Variants in MS4A4E observed in about 807,000 individuals in gnomAD.
The protein encoded by MS4A4E is membrane spanning 4-domains A4E, also known as putative membrane-spanning 4-domains subfamily A member 4E.
Under a neutral mutation model 13.3 loss-of-function variants are expected in MS4A4E, and 23 were observed. That is an observed-to-expected ratio of 1.73 (90% confidence interval 1.25 to 2.45). The LOEUF is 2.45. MS4A4E is among the 30% of genes most tolerant of loss of function. The pLI is 0.00. For synonymous variants in MS4A4E, 36 were observed against 45.6 expected, an observed-to-expected ratio of 0.79 and a Z score of 0.85; for missense variants, 144 against 131.2, an observed-to-expected ratio of 1.10 and a Z score of -0.48.
intron 1 of MS4A4E, among the ~76,000 whole-genome samples, chr11:60,236,250 A>C (rs1234070376): frequency 6.6e-6 from 1 of 152,106 alleles, no homozygotes; most frequent in East Asian, 1.9e-4. Flanking sequence ...GCACCAAACT[A>C]TTTTTCTCTT....
intron 1 of MS4A4E, among the ~76,000 whole-genome samples, chr11:60,232,762 C>T (rs1449901997): frequency 1.3e-5 from 2 of 152,166 alleles, no homozygotes; most frequent in African/African-American, 4.8e-5. Context: ...CATTCTGCTT[C>T]AGGAGTGAGT....
chr11:60,206,301 G>T lies in MS4A4E; in HGVS notation c.484-481C>A, dbSNP rs933826318. 2.0e-5 allele frequency among the ~76,000 whole-genome samples: 3 copies of T among 151,318 alleles called. No individual in the cohort carries two copies. The South Asian group carries it at 6.3e-4, about 32-fold the overall frequency. On this transcript the variant is annotated intron_variant, in intron 6 of 8. Coordinates refer to ENST00000651255, the MANE Select transcript of MS4A4E (RefSeq NM_001393391.1). ...TCCAAATCTTATTTGCCAGTTTAAT[G>T]CCTTTATATAAAGTCCTAATGATGA... is the stretch of plus-strand genomic sequence containing the variant.
At chr11:60,223,674 A>G (rs138055864) in intron 3 of MS4A4E, among the ~76,000 whole-genome samples, 154 of 152,324 alleles carry the variant, frequency 1.0e-3, no homozygotes, top group Middle Eastern at 6.8e-3. Context: ...CAGTGTGGCC[A>G]GAATAAAAGT....
intron 1 of MS4A4E, among the ~76,000 whole-genome samples, chr11:60,232,321 A>ACC (rs1554986901): frequency 0.017 from 2,503 of 147,436 alleles, 44 homozygotes; most frequent in Middle Eastern, 0.035. Context: ...ACACACACAC[A>ACC]CCAAAAATGA....
At chr11:60,204,052 T>C (rs1416355254) in intron 8 of MS4A4E, among the ~76,000 whole-genome samples, 2 of 152,218 alleles carry the variant, frequency 1.3e-5, no homozygotes, top group African/African-American at 2.4e-5. Context: ...AAAAAGTTTA[T>C]GTATGCGCTA....
intron 1 of MS4A4E, among the ~76,000 whole-genome samples, chr11:60,242,746 C>G (rs1050111148): frequency 2.6e-5 from 4 of 152,154 alleles, no homozygotes; most frequent in African/African-American, 9.7e-5. Context: ...TAACTCCCAT[C>G]AACTGTAGCG....
intron 3 of MS4A4E, among the ~76,000 whole-genome samples, chr11:60,223,742 C>T (rs1247791389): frequency 1.3e-5 from 2 of 152,124 alleles, no homozygotes; most frequent in Non-Finnish European, 2.9e-5. Flanking sequence ...ATCTTTCTCT[C>T]GTGCTGCATG....
rs1479195735 is a variant in MS4A4E at position 60,200,978 on chromosome 11, C to G, written c.*565G>C. On this transcript the variant is annotated 3_prime_UTR_variant, in exon 9 of 9. Transcript: ENST00000651255. ...CTGGCCGGGTGGGGGGCTGAACCCC[C>G]CACCTCCCTCCCGGACGGGGCGGCT... 1.4e-5 allele frequency among the ~76,000 whole-genome samples: 2 copies of G among 148,096 alleles called. No individual in the cohort carries two copies. The highest frequency in any genetic ancestry group is 3.0e-5 in the Non-Finnish European group (2 of 66,688).
intron 1 of MS4A4E, among the ~76,000 whole-genome samples, chr11:60,233,812 G>A (rs1415795464): frequency 6.6e-6 from 1 of 152,208 alleles, no homozygotes; most frequent in Non-Finnish European, 1.5e-5. Context: ...TATGCCTAGT[G>A]GAGCCTTGGG....
At chr11:60,205,148 C>T (rs575232966) in intron 7 of MS4A4E, among the ~76,000 whole-genome samples, 190 bp from the exon 8 acceptor site, 28 of 152,230 alleles carry the variant, frequency 1.8e-4, no homozygotes, top group African/African-American at 6.3e-4. Flanking sequence ...ATGAAAATAT[C>T]GCTTCCTCAA....
chr11:60,206,025 G>T (rs2084035311), intron 6 of MS4A4E, among the ~76,000 whole-genome samples: 1 of 152,128 alleles, frequency 6.6e-6, no homozygotes, highest in Non-Finnish European at 1.5e-5. Context: ...TACCTTTACT[G>T]AAATGATAGC....
chr11:60,216,990 C>T (rs986867613), intron 3 of MS4A4E, among the ~76,000 whole-genome samples: 8 of 152,128 alleles, frequency 5.3e-5, no homozygotes, highest in African/African-American at 1.9e-4. Context: ...CTAGAGAACC[C>T]TGACTAATAC....
At chr11:60,236,203 T>C (rs565326663) in intron 1 of MS4A4E, among the ~76,000 whole-genome samples, 117 of 152,368 alleles carry the variant, frequency 7.7e-4, no homozygotes, top group South Asian at 3.9e-3. Flanking sequence ...CTTAAAATTA[T>C]AGCTTCGTAG....
chr11:60,204,342 T>C (rs2084015465), intron 8 of MS4A4E, among the ~76,000 whole-genome samples: 1 of 152,182 alleles, frequency 6.6e-6, no homozygotes, highest in African/African-American at 2.4e-5. Flanking sequence ...GACTTGGAGA[T>C]GCAAAGGATT....
chr11:60,241,865 C>T (rs539567201), intron 1 of MS4A4E, among the ~76,000 whole-genome samples: 28 of 152,130 alleles, frequency 1.8e-4, no homozygotes, highest in Non-Finnish European at 3.4e-4. Flanking sequence ...ATGTCTTCCC[C>T]GCCCCTCCTC....
chr11:60,216,275 G>A lies in MS4A4E; in HGVS notation c.179-1661C>T, dbSNP rs541653605. Among the ~76,000 whole-genome samples the A allele has an allele frequency of 1.1e-4, 17 of 152,258 alleles. No homozygotes were observed. In the South Asian group the frequency reaches 2.1e-3, roughly 19 times the overall value. On this transcript the variant is annotated intron_variant, in intron 3 of 8. Coordinates refer to ENST00000651255, the MANE Select transcript of MS4A4E (RefSeq NM_001393391.1). Reference sequence around the variant, plus strand: ...CAGTTCTTGGTAATCTACTGAACACGTGTGGAAGGCTAAAACCATGTAAGC... The same window carrying A: ...CAGTTCTTGGTAATCTACTGAACACATGTGGAAGGCTAAAACCATGTAAGC...
chr11:60,216,558 A>T (rs958711343), intron 3 of MS4A4E, among the ~76,000 whole-genome samples: 5 of 151,882 alleles, frequency 3.3e-5, no homozygotes, highest in Admixed American at 2.6e-4. Flanking sequence ...TCCAGATCAT[A>T]GTAAGAGTTT....
chr11:60,201,472 G>A lies in MS4A4E; in HGVS notation c.*71C>T, dbSNP rs575302903. 6.2e-3 allele frequency: 1,471 copies of A among 235,588 alleles called. 8 individuals carry two copies. Among genetic ancestry groups the A allele is most frequent in the African/African-American group, 9.4e-3 (395 of 42,160 alleles). 14.6% of individuals were successfully genotyped at this position (235,588 alleles called of 1,614,324 possible). On this transcript the variant is annotated 3_prime_UTR_variant, in exon 9 of 9. Transcript: ENST00000651255. Reference sequence around the variant, plus strand: ...CAGAGACGCTCCTCACCTCCCAGACGGGGTCGCGGCCGGGCAGAGGTGCTC... The same window carrying A: ...CAGAGACGCTCCTCACCTCCCAGACAGGGTCGCGGCCGGGCAGAGGTGCTC...
chr11:60,241,510 T>C (rs1183829271), intron 1 of MS4A4E, among the ~76,000 whole-genome samples: 1 of 152,204 alleles, frequency 6.6e-6, no homozygotes, highest in Non-Finnish European at 1.5e-5. Context: ...GGCTTATAAT[T>C]GACTCTTATG....
Sources: allele counts gnomAD v4.1 joint callset (sites outside exome capture counted in the v4.1 genomes callset), GRCh38; gene constraint gnomAD v4.1.1; transcripts MANE v1.5; gene names NCBI Gene and HGNC (gene_info 2026-07-23, HGNC 2026-07-21).